Variants in PTPN13 observed in about 807,000 individuals in gnomAD.
PTPN13 encodes protein tyrosine phosphatase non-receptor type 13.
Under a neutral mutation model 284.0 loss-of-function variants are expected in PTPN13, and 191 were observed. The observed-to-expected ratio is 0.67, with a 90% CI of 0.60 to 0.76. PTPN13 has a LOEUF of 0.76. PTPN13 is among the 30% of genes least tolerant of loss of function. PTPN13 has a pLI of 0.00. For missense variants in PTPN13, 2,797 were observed against 2,939.9 expected, an observed-to-expected ratio of 0.95 and a Z score of 1.12; for synonymous variants, 986 against 1,022.3, an observed-to-expected ratio of 0.96 and a Z score of 0.68.
chr4:86,643,409 T>C (rs1724045265), intron 2 of PTPN13, among the ~76,000 whole-genome samples: 1 of 152,158 alleles, frequency 6.6e-6, no homozygotes, highest in Non-Finnish European at 1.5e-5. Context: ...ATAGTCTTAT[T>C]ATAAGTGAAA....
chr4:86,646,072 G>T (rs1182516737), intron 2 of PTPN13, among the ~76,000 whole-genome samples: 1 of 151,638 alleles, frequency 6.6e-6, no homozygotes, highest in African/African-American at 2.4e-5. Context: ...TGTAATAATT[G>T]GATATCCATA....
chr4:86,695,864 CAG>C (rs1730540157), intron 6 of PTPN13, among the ~76,000 whole-genome samples: 1 of 151,894 alleles, frequency 6.6e-6, no homozygotes, highest in African/African-American at 2.4e-5. Context: ...TTTTTGCAGA[CAG>C]TGTATTTTTC....
intron 2 of PTPN13, among the ~76,000 whole-genome samples, chr4:86,650,238 C>T (rs1565231371): frequency 6.6e-6 from 1 of 152,162 alleles, no homozygotes; most frequent in Non-Finnish European, 1.5e-5. Flanking sequence ...CTGCCTGCCT[C>T]ATCCTCCCAA....
At chr4:86,699,720 A>G (rs17011994) in intron 6 of PTPN13, among the ~76,000 whole-genome samples, 6,974 of 152,242 alleles carry the variant, frequency 0.046, 216 homozygotes, top group African/African-American at 0.058. Flanking sequence ...AAGTTCATCT[A>G]TGTGTGGTTT....
chr4:86,790,538 C>CAT (rs1491210432), intron 40 of PTPN13, among the ~76,000 whole-genome samples: 3 of 149,656 alleles, frequency 2.0e-5, no homozygotes, highest in Non-Finnish European at 4.5e-5. Flanking sequence ...TTTTAAGTGC[C>CAT]ACACACACAC....
At chr4:86,628,062 A>G (rs548603998) in intron 1 of PTPN13, among the ~76,000 whole-genome samples, 9 of 152,204 alleles carry the variant, frequency 5.9e-5, no homozygotes, top group African/African-American at 2.2e-4. Context: ...TTTAATTTCT[A>G]TTGGGTAAGC....
chr4:86,791,527 G>A (rs1035544757), intron 40 of PTPN13, among the ~76,000 whole-genome samples: 29 of 152,226 alleles, frequency 1.9e-4, no homozygotes, highest in African/African-American at 6.0e-4. Context: ...TTCGAACTCT[G>A]AGAATGGACA....
intron 6 of PTPN13, among the ~76,000 whole-genome samples, chr4:86,696,278 G>C (rs1406969953): frequency 6.6e-6 from 1 of 151,892 alleles, no homozygotes; most frequent in East Asian, 1.9e-4. Flanking sequence ...TTTTATAGGT[G>C]TTCAGTGTAT....
intron 1 of PTPN13, among the ~76,000 whole-genome samples, chr4:86,631,539 T>G (rs1722469390): frequency 6.6e-6 from 1 of 152,168 alleles, no homozygotes; most frequent in African/African-American, 2.4e-5. Context: ...CTAGCAAAGC[T>G]GTAAATTAAA....
chr4:86,814,780 A>C lies in PTPN13; in HGVS notation c.*229A>C. 3.6e-5 allele frequency: 15 copies of C among 418,764 alleles called. No individual in the cohort carries two copies. The highest frequency in any genetic ancestry group is 7.9e-5 in the East Asian group (2 of 25,388). The allele number at this position is 418,764 out of a possible 1,614,324, so 25.9% of individuals were successfully genotyped here. A position where few individuals can be genotyped will look rare whatever the true frequency, so the allele number is the denominator to read the frequency against. On this transcript the variant is annotated 3_prime_UTR_variant, in exon 48 of 48. Coordinates refer to ENST00000411767, the MANE Select transcript of PTPN13 (RefSeq NM_080683.3). ...ACAAAATTTTAACACTAACCAAACA[A>C]TGCAGATCTTAGGGATGATTAAAGG...
chr4:86,711,865 C>T (rs1234983935), intron 7 of PTPN13, among the ~76,000 whole-genome samples: 1 of 152,140 alleles, frequency 6.6e-6, no homozygotes, highest in East Asian at 1.9e-4. Context: ...GGTGGCTACA[C>T]ATGCATTTAA....
At chr4:86,602,023 A>G (rs951066634) in intron 1 of PTPN13, among the ~76,000 whole-genome samples, 1 of 152,174 alleles carries the variant, frequency 6.6e-6, no homozygotes, top group East Asian at 1.9e-4. Flanking sequence ...AAATCAATCT[A>G]TTGGCAGGAT....
At chr4:86,789,101 A>G (rs1486566746) in intron 40 of PTPN13, among the ~76,000 whole-genome samples, 1 of 152,230 alleles carries the variant, frequency 6.6e-6, no homozygotes, top group East Asian at 1.9e-4. Context: ...AGTCATTGCG[A>G]GTAGGGTATC....
At position 86,757,152 on chromosome 4, in the gene PTPN13, G is replaced by A. The variant is rs1578587909; in HGVS notation, c.3224-1108G>A. On this transcript the variant is annotated intron_variant, in intron 20 of 47. Transcript: ENST00000411767. ...ATGTCAATTAAGTGTCATATTTATT[G>A]GTTTCAGAAGTTAATTGTGAATGAT... 2.6e-5 allele frequency among the ~76,000 whole-genome samples: 4 copies of A among 152,124 alleles called. No homozygotes were observed. The South Asian group carries it at 8.3e-4, about 32-fold the overall frequency.
At chr4:86,781,058 A>G (rs1741244105) in intron 36 of PTPN13, among the ~76,000 whole-genome samples, 2 of 152,152 alleles carry the variant, frequency 1.3e-5, no homozygotes, top group Admixed American at 6.5e-5. Context: ...TTATTGGTAT[A>G]CTTTTTTATT....
chr4:86,639,026 A>G (rs1400598058), intron 2 of PTPN13, among the ~76,000 whole-genome samples: 2 of 152,192 alleles, frequency 1.3e-5, no homozygotes, highest in Non-Finnish European at 2.9e-5. Flanking sequence ...GGATATGAAC[A>G]GACACTTCTC....
chr4:86,814,377 C>T (rs1745571222), intron 47 of PTPN13, 79 bp from the exon 48 acceptor site: 7 of 945,902 alleles, frequency 7.4e-6, no homozygotes, highest in Non-Finnish European at 1.1e-5. Context: ...AACATCACTT[C>T]CAATAGTGGT....
At chr4:86,723,759 G>A (rs2149095585) in intron 10 of PTPN13, among the ~76,000 whole-genome samples, 2 of 152,214 alleles carry the variant, frequency 1.3e-5, no homozygotes, top group South Asian at 4.1e-4. Context: ...AGCTTGAAAG[G>A]TGAAGCAATA....
chr4:86,732,509 A>G (rs1370399597), intron 11 of PTPN13, 35 bp downstream of exon 11: 1 of 1,593,098 alleles, frequency 6.3e-7, no homozygotes, highest in Non-Finnish European at 8.6e-7. Context: ...CACTCTTAGA[A>G]AATAATTTCA....
Sources: allele counts gnomAD v4.1 joint callset (sites outside exome capture counted in the v4.1 genomes callset), GRCh38; gene constraint gnomAD v4.1.1; transcripts MANE v1.5; gene names NCBI Gene and HGNC (gene_info 2026-07-23, HGNC 2026-07-21).